The following TRIM24 variants were observed in gnomAD, a reference collection of about 807,000 sequenced individuals.
TRIM24 encodes transcription intermediary factor 1-alpha.
TRIM24 carries 29 observed loss-of-function variants against 123.9 expected under a neutral mutation model. That is an observed-to-expected ratio of 0.23 (90% confidence interval 0.17 to 0.32). The LOEUF (loss-of-function observed/expected upper bound fraction) is 0.32. TRIM24 is among the 10% of genes least tolerant of loss of function. The pLI, the probability that TRIM24 is intolerant of heterozygous loss-of-function variation, is 1.00. For missense variants in TRIM24, 932 were observed against 1,295.3 expected, an observed-to-expected ratio of 0.72 and a Z score of 4.31; for synonymous variants, 456 against 461.1, an observed-to-expected ratio of 0.99 and a Z score of 0.14.
intron 14 of TRIM24, among the ~76,000 whole-genome samples, chr7:138,578,563 T>TGTGTGTGTGTGCGC (rs145011901): frequency 5.9e-4 from 86 of 145,084 alleles, no homozygotes; most frequent in African/African-American, 2.0e-3. Context: ...TGTGTGTGTG[T>TGTGTGTGTGTGCGC]GCGCGCACGC....
chr7:138,569,199 A>G (rs1266719956), intron 10 of TRIM24, among the ~76,000 whole-genome samples: 1 of 152,212 alleles, frequency 6.6e-6, no homozygotes, highest in Non-Finnish European at 1.5e-5. Flanking sequence ...TAATGTATAT[A>G]CAAGCACCTA....
intron 6 of TRIM24, among the ~76,000 whole-genome samples, chr7:138,537,150 G>C (rs6944764): frequency 0.85 from 129,978 of 152,098 alleles, 56,068 homozygotes; most frequent in African/African-American, 0.96. Flanking sequence ...ATTCCCTGAC[G>C]CCTTGTGCTT....
At chr7:138,561,566 G>T (rs1273389220) in intron 9 of TRIM24, among the ~76,000 whole-genome samples, 4 of 152,182 alleles carry the variant, frequency 2.6e-5, no homozygotes, top group South Asian at 2.1e-4. Context: ...CCTAGAGTCA[G>T]TTGGTCAGCT....
Position 138,573,582 on chromosome 7 carries a change from C to A in TRIM24, c.1954C>A (p.Pro652Thr). Residue 652 changes from proline to threonine, a missense_variant, in exon 12 of 19, where the codon CCA becomes ACA. This residue lies in a region of TRIM24 where 527 missense variants were observed against 691.3 expected (regional missense o/e 0.76). Transcript: ENST00000343526. ...TAATATAGATCATGGCCAGCCAAGA[C>A]CACCCTCAAACAGAACGGTCCAGTC... ...DTNIDHGQPRPPSNRTVQSPN... is the reference protein window; with the variant it reads ...DTNIDHGQPRTPSNRTVQSPN... 1 of 1,614,004 alleles carries A rather than the reference C, an allele frequency of 6.2e-7. No individual in the cohort carries two copies. The highest frequency in any genetic ancestry group is 8.5e-7 in the Non-Finnish European group (1 of 1,179,942).
intron 1 of TRIM24, among the ~76,000 whole-genome samples, chr7:138,497,587 G>GCC (rs1795940105): frequency 6.6e-6 from 1 of 151,468 alleles, no homozygotes; most frequent in South Asian, 2.1e-4. Flanking sequence ...TAGAGACAGG[G>GCC]TTTCACCATG....
intron 2 of TRIM24, among the ~76,000 whole-genome samples, chr7:138,510,613 G>A (rs1307152896): frequency 2.0e-5 from 3 of 151,956 alleles, no homozygotes; most frequent in African/African-American, 4.8e-5. Context: ...GTAGAGACAG[G>A]GTTTCACCAT....
intron 1 of TRIM24, among the ~76,000 whole-genome samples, chr7:138,501,527 G>A (rs1252417513): frequency 3.3e-5 from 5 of 151,982 alleles, no homozygotes; most frequent in African/African-American, 7.3e-5. Flanking sequence ...CACCACACCC[G>A]GCCTTCAGCT....
At chr7:138,577,692 G>A in intron 14 of TRIM24, 104 bp downstream of exon 14, 1 of 955,678 alleles carries the variant, frequency 1.0e-6, no homozygotes, top group Non-Finnish European at 1.4e-6. Context: ...TATTTAAAAG[G>A]ATTTAAAGAC....
intron 15 of TRIM24, among the ~76,000 whole-genome samples, chr7:138,580,045 C>T (rs1002351827): frequency 8.5e-5 from 13 of 152,156 alleles, no homozygotes; most frequent in Admixed American, 5.9e-4. Context: ...TGCCAGGCAT[C>T]GAACTGTATC....
intron 1 of TRIM24, among the ~76,000 whole-genome samples, chr7:138,498,603 A>T (rs757354055): frequency 6.6e-6 from 1 of 151,946 alleles, no homozygotes. Flanking sequence ...TATCTCATGC[A>T]TGCTTAAAGA....
intron 4 of TRIM24, among the ~76,000 whole-genome samples, chr7:138,524,242 A>G (rs933872837): frequency 5.3e-5 from 8 of 152,214 alleles, no homozygotes; most frequent in Non-Finnish European, 1.0e-4. Context: ...CCTGATAAAG[A>G]TTATTTATGG....
intron 6 of TRIM24, among the ~76,000 whole-genome samples, chr7:138,534,160 C>T (rs1017074221): frequency 3.9e-5 from 6 of 152,110 alleles, no homozygotes; most frequent in Admixed American, 6.6e-5. Context: ...TTCAAAAAAA[C>T]CAGCTCCTGG....
At chr7:138,476,700 G>A (rs1239537728) in intron 1 of TRIM24, among the ~76,000 whole-genome samples, 4 of 152,042 alleles carry the variant, frequency 2.6e-5, no homozygotes, top group South Asian at 4.1e-4. Flanking sequence ...TTATATTGCC[G>A]GTGGGAATGC....
chr7:138,461,172 C>T, intron 1 of TRIM24: 1 of 700,392 alleles, frequency 1.4e-6, no homozygotes, highest in Non-Finnish European at 2.7e-6. Flanking sequence ...TTCTCAACAG[C>T]CGGGCGGCCC....
Position 138,567,592 on chromosome 7 carries a change from C to T in TRIM24, c.1642C>T (p.Arg548Ter). 3 of 1,613,776 alleles carry T rather than the reference C, an allele frequency of 1.9e-6. No individual in the cohort carries two copies. Among genetic ancestry groups the T allele is most frequent in the South Asian group, 1.1e-5 (1 of 91,052 alleles). ...ATATCCACCAAACCAGAACATACCA[C>T]GACAAGCAATAAAGCCAAACCCCCT... is the stretch of plus-strand genomic sequence containing the variant. ...LRYPPNQNIP[R>*]QAIKPNPLQM... Residue 548 changes from arginine (R) to a stop codon, truncating the protein, a stop_gained, in exon 10 of 19, where the codon CGA becomes TGA. Coordinates refer to ENST00000343526, the MANE Select transcript of TRIM24 (RefSeq NM_015905.3). LOFTEE classifies it high-confidence loss of function.
At chr7:138,565,319 AC>A (rs1797513895) in intron 9 of TRIM24, among the ~76,000 whole-genome samples, 1 of 151,854 alleles carries the variant, frequency 6.6e-6, no homozygotes, top group East Asian at 1.9e-4. Context: ...CACTAGTTAC[AC>A]CCCGGGAGGT....
At chr7:138,525,186 T>G in intron 4 of TRIM24, 55 bp from the exon 5 acceptor site, 1 of 803,698 alleles carries the variant, frequency 1.2e-6, no homozygotes, top group East Asian at 3.1e-5. Context: ...TTTTTATTCT[T>G]GGACTTTTTC....
Position 138,460,565 on chromosome 7 carries a change from A to C in TRIM24, c.17A>C (p.Glu6Ala). The change falls in exon 1 of 19, where the codon GAG (glutamate) becomes GCG (alanine). Residue 6 changes from glutamate (E) to alanine (A), a missense_variant. Glu to Ala is a moderately radical substitution (Grantham distance 107). Transcript: ENST00000343526. MEVAV[E>A]KAVAAAAAAS... ...GGCAGGACAATGGAGGTGGCGGTGG[A>C]GAAGGCGGTGGCGGCGGCGGCAGCG... The C allele has an allele frequency of 1.5e-6, 2 of 1,311,590 alleles. No individual in the cohort carries two copies. The highest frequency in any genetic ancestry group is 1.9e-6 in the Non-Finnish European group (2 of 1,040,632). The allele number at this position is 1,311,590 out of a possible 1,614,324, so 81.2% of individuals were successfully genotyped here.
chr7:138,505,121 G>T (rs572593900), intron 2 of TRIM24, among the ~76,000 whole-genome samples: 8 of 152,104 alleles, frequency 5.3e-5, no homozygotes, highest in Non-Finnish European at 8.8e-5. Flanking sequence ...AATAAAAGGA[G>T]CCAAACATTA....
Sources: gnomAD v4.1 joint callset for allele counts (sites outside exome capture counted in the v4.1 genomes callset) on GRCh38, gnomAD v4.1.1 for gene constraint, gnomAD v4.1.1 regional missense constraint, MANE v1.5 for transcripts, NCBI Gene and HGNC (gene_info 2026-07-23, HGNC 2026-07-21) for gene names.